Variants in DRC3 observed in about 807,000 individuals in gnomAD.
DRC3 encodes dynein regulatory complex subunit 3.
Under a neutral mutation model 57.6 loss-of-function variants are expected in DRC3, and 45 were observed. That is an observed-to-expected ratio of 0.78 (90% CI 0.62 to 1.00). The LOEUF is 1.00. Ranked by LOEUF, DRC3 falls within the 50% of genes least tolerant of loss-of-function variation. DRC3 has a pLI of 0.00. For missense variants in DRC3, 655 were observed against 675.2 expected (o/e 0.97, Z 0.33); for synonymous variants, 257 against 272.3 (o/e 0.94, Z 0.55).
chr17:17,991,914 G>A (rs8066910), intron 5 of DRC3, among the ~76,000 whole-genome samples: 2,635 of 152,276 alleles, frequency 0.017, 81 homozygotes, highest in African/African-American at 0.06. Flanking sequence ...GCTGAGGTGG[G>A]AGGATTTATT....
chr17:18,000,911 T>C (rs2043703012), intron 9 of DRC3, among the ~76,000 whole-genome samples: 1 of 152,096 alleles, frequency 6.6e-6, no homozygotes, highest in South Asian at 2.1e-4. Flanking sequence ...TTTATTATTA[T>C]TATTTTCAGA....
intron 4 of DRC3, among the ~76,000 whole-genome samples, chr17:17,986,699 A>C (rs2145273297): frequency 6.6e-6 from 1 of 152,124 alleles, no homozygotes; most frequent in Non-Finnish European, 1.5e-5. Flanking sequence ...CTGACCCCCA[A>C]GTGATCCCCC....
chr17:18,002,216 A>C (rs2043765129), intron 9 of DRC3, among the ~76,000 whole-genome samples: 1 of 152,148 alleles, frequency 6.6e-6, no homozygotes, highest in South Asian at 2.1e-4. Context: ...TTTATGGTTT[A>C]ATTTTTTACA....
At chr17:17,989,007 A>C (rs989417459) in intron 5 of DRC3, among the ~76,000 whole-genome samples, 1 of 152,166 alleles carries the variant, frequency 6.6e-6, no homozygotes, top group Admixed American at 6.5e-5. Flanking sequence ...GCAGGAATCA[A>C]GTGGGATCAT....
At chr17:17,974,237 T>C (rs979373860) in intron 2 of DRC3, among the ~76,000 whole-genome samples, 1 of 152,260 alleles carries the variant, frequency 6.6e-6, no homozygotes, top group Non-Finnish European at 1.5e-5. Context: ...ACATGTAAAT[T>C]AAGTTTCTAG....
At chr17:17,986,543 C>T (rs1412919243) in intron 4 of DRC3, among the ~76,000 whole-genome samples, 4 of 149,848 alleles carry the variant, frequency 2.7e-5, no homozygotes, top group African/African-American at 9.9e-5. Context: ...AATCTCGGCT[C>T]ACTCCACCTC....
intron 9 of DRC3, among the ~76,000 whole-genome samples, chr17:17,998,381 CT>C (rs1387001254): frequency 6.6e-6 from 1 of 152,196 alleles, no homozygotes; most frequent in Non-Finnish European, 1.5e-5. Context: ...GGGCACCAAT[CT>C]TTGTATTTGA....
In DRC3 at chr17:18,007,764, G is replaced by A. The variant is rs2044034530; in HGVS notation, c.1326+617G>A. 2.6e-6 allele frequency: 3 copies of A among 1,132,514 alleles called. No homozygotes were observed. In the African/African-American group the frequency reaches 4.8e-5, roughly 18 times the overall value. The allele number at this position is 1,132,514 out of a possible 1,614,324, so 70.2% of individuals were successfully genotyped here. The stretch of plus-strand genomic sequence containing the variant: ...AGGGCCCAGACAGAGATACTATGTT[G>A]TCAGGGCCCAGACAGAGATACTATG... On this transcript the variant is annotated intron_variant, in intron 12 of 13. Transcript: ENST00000399187.
intron 12 of DRC3, among the ~76,000 whole-genome samples, chr17:18,012,382 T>G (rs2044199337): frequency 1.3e-5 from 2 of 152,290 alleles, no homozygotes; most frequent in South Asian, 4.1e-4. Flanking sequence ...AAGACCTACA[T>G]GTAAGACCTG....
At chr17:17,986,545 C>T (rs1041552412) in intron 4 of DRC3, among the ~76,000 whole-genome samples, 1 of 150,672 alleles carries the variant, frequency 6.6e-6, no homozygotes, top group African/African-American at 2.4e-5. Flanking sequence ...TCTCGGCTCA[C>T]TCCACCTCCA....
chr17:18,016,454 G>A (rs1431096860), intron 13 of DRC3, 104 bp from the exon 14 acceptor site: 12 of 881,074 alleles, frequency 1.4e-5, no homozygotes, highest in Non-Finnish European at 2.0e-5. Flanking sequence ...AATGAGGTTT[G>A]CAGATCTAAA....
At chr17:17,996,022 T>C (rs533620916) in intron 8 of DRC3, among the ~76,000 whole-genome samples, 1 of 145,360 alleles carries the variant, frequency 6.9e-6, no homozygotes, top group African/African-American at 2.4e-5. Flanking sequence ...TTGGTTTTTT[T>C]GTTTTTTTGT....
chr17:17,992,343 A>T (rs2043270738), intron 5 of DRC3, among the ~76,000 whole-genome samples: 1 of 152,260 alleles, frequency 6.6e-6, no homozygotes, highest in Non-Finnish European at 1.5e-5. Context: ...CTATGCTGGT[A>T]ACAGCAACTA....
In DRC3 at chr17:18,007,021, C is replaced by T. The variant is rs1178325439; in HGVS notation, c.1203-3C>T. On this transcript the variant is annotated splice_region_variant and splice_polypyrimidine_tract_variant and intron_variant, in intron 11 of 13. Transcript: ENST00000399187. The stretch of plus-strand genomic sequence containing the variant: ...CGGGCCTTTGCTTAACTCGGGGCTG[C>T]ACGATGGCTCAGTGCCGGGACCTGG... 2 of 1,613,068 alleles carry T rather than the reference C, an allele frequency of 1.2e-6. No homozygotes were observed. Among genetic ancestry groups the T allele is most frequent in the South Asian group, 2.2e-5 (2 of 91,026 alleles).
In DRC3 at chr17:17,992,867, C is replaced by A; in HGVS notation, c.547C>A (p.Pro183Thr). Residue 183 changes from proline to threonine, a missense_variant, in exon 6 of 14, where the codon CCT (proline) becomes ACT (threonine). Coordinates refer to ENST00000399187, the MANE Select transcript of DRC3 (RefSeq NM_031294.4). ...DYKMFICAYL[P>T]DLMYLDYRRI... ...CAAGATGTTCATCTGTGCCTACCTT[C>A]CTGACCTCATGTACCTGGACTACCG... The A allele has an allele frequency of 6.2e-7, 1 of 1,614,012 alleles. No individual in the cohort carries two copies. Among genetic ancestry groups the A allele is most frequent in the South Asian group, 1.1e-5 (1 of 91,078 alleles).
Position 18,008,939 on chromosome 17 carries a change from C to G in DRC3, c.1326+1792C>G, listed in dbSNP as rs1291190437. Reference sequence around the variant, plus strand: ...AATCCAGAGGCCAACAGCAGAGAAGCAGGCTGGGCTGGCATTTTCAGTGGC... The same window carrying G: ...AATCCAGAGGCCAACAGCAGAGAAGGAGGCTGGGCTGGCATTTTCAGTGGC... On this transcript the variant is annotated intron_variant, in intron 12 of 13. Coordinates refer to ENST00000399187, the MANE Select transcript of DRC3 (RefSeq NM_031294.4). This position sits in a 1 kb window ranked among gnomAD's most constrained non-coding sequence, Gnocchi z 4.3. Among the ~76,000 whole-genome samples the G allele has an allele frequency of 6.6e-6, 1 of 152,174 alleles. No homozygotes were observed. Among genetic ancestry groups the G allele is most frequent in the African/African-American group, 2.4e-5 (1 of 41,436 alleles).
rs1177423460 is a variant in DRC3, at chr17:17,973,973, G to A, written c.-18+11G>A. 2 of 152,256 alleles carry A rather than the reference G, an allele frequency of 1.3e-5. No homozygotes were observed. The highest frequency in any genetic ancestry group is 1.3e-4 in the Admixed American group (2 of 15,290). The allele number at this position is 152,256 out of a possible 1,614,324, so 9.4% of individuals were successfully genotyped here. A position where few individuals can be genotyped will look rare whatever the true frequency, so the allele number is the denominator to read the frequency against. ...CAACACTATCATCAGGCAAGTCAAA[G>A]GGGACCCAGGTTGGGTGGTAAACTA... On this transcript the variant is annotated intron_variant, in intron 2 of 13. Transcript: ENST00000399187.
chr17:17,974,922 C>G (rs1352421531), intron 2 of DRC3, among the ~76,000 whole-genome samples: 2 of 152,188 alleles, frequency 1.3e-5, no homozygotes, highest in Non-Finnish European at 2.9e-5. Flanking sequence ...TGATCTCACA[C>G]AAATGCAGAA....
At chr17:18,009,508 A>G (rs1376292696) in intron 12 of DRC3, among the ~76,000 whole-genome samples, 1 of 152,222 alleles carries the variant, frequency 6.6e-6, no homozygotes, top group East Asian at 1.9e-4. Context: ...TGCTTTTTTA[A>G]TCTTCACATC....
Sources: allele counts gnomAD v4.1 joint callset (sites outside exome capture counted in the v4.1 genomes callset), GRCh38; gene constraint gnomAD v4.1.1; non-coding constraint Gnocchi (gnomAD v3.1); transcripts MANE v1.5; gene names NCBI Gene and HGNC (gene_info 2026-07-23, HGNC 2026-07-21).